The following PDGFRL variants were observed in gnomAD, a reference collection of about 807,000 sequenced individuals.
The protein encoded by PDGFRL is platelet-derived growth factor receptor-like protein.
In PDGFRL, 46 loss-of-function variants were observed where a neutral mutation model predicts 37.2. That is an observed-to-expected ratio of 1.24 (90% CI 0.98 to 1.58). The LOEUF is 1.58. Among genes scored for constraint, PDGFRL ranks in the 40% most tolerant of loss-of-function variants. The pLI is 0.00. For missense variants in PDGFRL, 692 were observed against 467.6 expected (o/e 1.48, Z -4.43); for synonymous variants, 251 against 184.3 (o/e 1.36, Z -2.93).
chr8:17,577,529 C>T (rs1803612724), intron 1 of PDGFRL, among the ~76,000 whole-genome samples: 2 of 151,894 alleles, frequency 1.3e-5, no homozygotes, highest in South Asian at 4.2e-4. Flanking sequence ...GTGGCAGCTA[C>T]CCCGACCCTT....
chr8:17,589,332 G>C lies in PDGFRL; in HGVS notation c.56-136G>C, dbSNP rs1331061275. Reference sequence around the variant, plus strand: ...ACCTGGGAGGTGGAGGTTGCAGTGAGCTGAGATTATGCCACTGCCCTCCAA... The same window carrying C: ...ACCTGGGAGGTGGAGGTTGCAGTGACCTGAGATTATGCCACTGCCCTCCAA... On this transcript the variant is annotated intron_variant, in intron 1 of 5. Coordinates refer to ENST00000251630, the MANE Select transcript of PDGFRL (RefSeq NM_001372073.1). The C allele has an allele frequency of 4.3e-6, 3 of 691,272 alleles. No individual in the cohort carries two copies. In the East Asian group the frequency reaches 7.4e-5, roughly 17 times the overall value. The allele number at this position is 691,272 out of a possible 1,614,324, so 42.8% of individuals were successfully genotyped here.
At chr8:17,621,524 C>G (rs1193134574) in intron 3 of PDGFRL, among the ~76,000 whole-genome samples, 1 of 151,992 alleles carries the variant, frequency 6.6e-6, no homozygotes, top group African/African-American at 2.4e-5. Context: ...GTTCCAGGGT[C>G]TGTCCCTGCA....
At chr8:17,592,213 G>A (rs1803954985) in intron 2 of PDGFRL, among the ~76,000 whole-genome samples, 1 of 152,196 alleles carries the variant, frequency 6.6e-6, no homozygotes, top group Non-Finnish European at 1.5e-5. Context: ...GAAAAGTAAT[G>A]ATGAAAAACC....
In PDGFRL at chr8:17,628,913, G is replaced by GT. The variant is rs570204623; in HGVS notation, c.799+142dup. The GT allele has an allele frequency of 4.3e-3, 2,638 of 616,538 alleles. 1 individual carries two copies. Among genetic ancestry groups the GT allele is most frequent in the Non-Finnish European group, 5.9e-3 (2,089 of 353,742 alleles). 38.2% of individuals were successfully genotyped at this position (616,538 alleles called of 1,614,324 possible). On this transcript the variant is annotated intron_variant, in intron 4 of 5. Coordinates refer to ENST00000251630, the MANE Select transcript of PDGFRL (RefSeq NM_001372073.1). ...GTTTCATTGTTGTTGGGTTGTTGTT[G>GT]TTTTTTTTTCTCTTTTTTCTTGAGA...
chr8:17,588,904 A>T lies in PDGFRL; in HGVS notation c.56-564A>T, dbSNP rs182143158. 3.7e-4 allele frequency among the ~76,000 whole-genome samples: 57 copies of T among 152,290 alleles called. 1 individual carries two copies. The highest frequency in any genetic ancestry group is 3.7e-3 in the Admixed American group (57 of 15,292). ...CAGGCAGTAATATTTTTGTTTTCTA[A>T]GGGCAAATTTTAGCTCATACATGAA... On this transcript the variant is annotated intron_variant, in intron 1 of 5. Coordinates refer to ENST00000251630, the MANE Select transcript of PDGFRL (RefSeq NM_001372073.1).
At chr8:17,635,745 G>C (rs1056090080) in intron 5 of PDGFRL, among the ~76,000 whole-genome samples, 2 of 152,188 alleles carry the variant, frequency 1.3e-5, no homozygotes, top group Admixed American at 6.5e-5. Flanking sequence ...CACCAGCAGT[G>C]TAACAGTGTT....
intron 5 of PDGFRL, among the ~76,000 whole-genome samples, chr8:17,638,870 C>T (rs553356450): frequency 6.8e-6 from 1 of 147,728 alleles, no homozygotes; most frequent in East Asian, 2.0e-4. Context: ...GTTTCTTTAA[C>T]GTTTGTTCTG....
chr8:17,590,460 C>T (rs1288652644), intron 2 of PDGFRL, among the ~76,000 whole-genome samples: 2 of 151,778 alleles, frequency 1.3e-5, no homozygotes, highest in Non-Finnish European at 2.9e-5. Context: ...GCCTGTAATC[C>T]CAGCCCTTTG....
chr8:17,638,410 C>G (rs1038712990), intron 5 of PDGFRL, among the ~76,000 whole-genome samples: 3 of 151,910 alleles, frequency 2.0e-5, no homozygotes. Flanking sequence ...TGAGAGAGTA[C>G]TTGATATAAT....
chr8:17,626,753 C>A (rs1293744569), intron 3 of PDGFRL, among the ~76,000 whole-genome samples: 1 of 152,114 alleles, frequency 6.6e-6, no homozygotes, highest in Non-Finnish European at 1.5e-5. Flanking sequence ...GAAAAGCCAC[C>A]AGCACCAACA....
chr8:17,578,335 C>A (rs1803632285), intron 1 of PDGFRL, among the ~76,000 whole-genome samples: 1 of 152,192 alleles, frequency 6.6e-6, no homozygotes, highest in Admixed American at 6.5e-5. Flanking sequence ...CAGTTCCTTT[C>A]TTTCCTAGGA....
In PDGFRL at chr8:17,598,801, GT is replaced by G. The variant is rs550396350; in HGVS notation, c.353+9038del. On this transcript the variant is annotated intron_variant, in intron 2 of 5. Transcript: ENST00000251630. The stretch of plus-strand genomic sequence containing the variant: ...ATCATAAGGGCAGTTCCCCCATACT[GT>G]TCTCATGGTAGTTAATACGTCTCAC... Among the ~76,000 whole-genome samples, 39 of 152,166 alleles carry G rather than the reference GT, an allele frequency of 2.6e-4. No individual in the cohort carries two copies. The South Asian group carries it at 7.7e-3, about 30-fold the overall frequency.
At chr8:17,591,411 G>T (rs543790549) in intron 2 of PDGFRL, among the ~76,000 whole-genome samples, 1 of 152,170 alleles carries the variant, frequency 6.6e-6, no homozygotes, top group African/African-American at 2.4e-5. Context: ...GCGTCAGGGG[G>T]TGTGTACGGG....
At chr8:17,586,940 C>T (rs1163200257) in intron 1 of PDGFRL, among the ~76,000 whole-genome samples, 2 of 152,150 alleles carry the variant, frequency 1.3e-5, no homozygotes, top group Non-Finnish European at 2.9e-5. Context: ...ATGCAATAGT[C>T]TCAAAAATTC....
intron 2 of PDGFRL, among the ~76,000 whole-genome samples, chr8:17,619,317 A>C (rs551821157): frequency 6.6e-6 from 1 of 152,244 alleles, no homozygotes; most frequent in Non-Finnish European, 1.5e-5. Flanking sequence ...TTTGTGCCAC[A>C]ATATAATAGA....
intron 4 of PDGFRL, among the ~76,000 whole-genome samples, chr8:17,629,855 C>T (rs1032329118): frequency 2.0e-5 from 3 of 152,160 alleles, no homozygotes; most frequent in Non-Finnish European, 2.9e-5. Context: ...CAATGACTCC[C>T]TCAGCCACAG....
At chr8:17,577,087 A>AAAAAAAAAAAT (rs1227011331), upstream of PDGFRL, 109 of 870,474 alleles carry the variant, frequency 1.3e-4, 2 homozygotes, top group South Asian at 1.8e-3. Flanking sequence ...AGAACTAAAA[A>AAAAAAAAAAAT]AAAAAAAAAT....
intron 1 of PDGFRL, among the ~76,000 whole-genome samples, chr8:17,581,837 C>T (rs1203700343): frequency 6.6e-5 from 10 of 152,092 alleles, no homozygotes; most frequent in African/African-American, 2.4e-4. Flanking sequence ...AACAACCCAG[C>T]CCTACGTATT....
chr8:17,583,672 G>A (rs1156293220), intron 1 of PDGFRL, among the ~76,000 whole-genome samples: 11 of 152,144 alleles, frequency 7.2e-5, no homozygotes, highest in East Asian at 5.8e-4. Context: ...TTTGAGTCGT[G>A]GGGGTGGACC....
Sources: allele counts gnomAD v4.1 joint callset (sites outside exome capture counted in the v4.1 genomes callset), GRCh38; gene constraint gnomAD v4.1.1; transcripts MANE v1.5; gene names NCBI Gene and HGNC (gene_info 2026-07-23, HGNC 2026-07-21).